PCDHA7: variants seen among roughly 807,000 people sequenced by gnomAD.
PCDHA7 encodes the protein protocadherin alpha-7.
PCDHA7 carries 37 observed loss-of-function variants against 57.2 expected under a neutral mutation model. The observed-to-expected ratio is 0.65, with a 90% CI of 0.50 to 0.85. The LOEUF (loss-of-function observed/expected upper bound fraction) is 0.85. Among genes scored for constraint, PCDHA7 ranks in the 40% least tolerant of loss-of-function variants. The pLI, the probability that PCDHA7 is intolerant of heterozygous loss-of-function variation, is 0.00. For missense variants in PCDHA7, 1,188 were observed against 1,241.8 expected (o/e 0.96, Z 0.65); for synonymous variants, 553 against 558.8 (o/e 0.99, Z 0.15).
At chr5:140,982,191 T>G (rs1431582069) in intron 2 of PCDHA7, among the ~76,000 whole-genome samples, 1 of 152,266 alleles carries the variant, frequency 6.6e-6, no homozygotes, top group African/African-American at 2.4e-5. Context: ...ATGGGCTTCC[T>G]GTTAGATTTA....
intron 3 of PCDHA7, among the ~76,000 whole-genome samples, chr5:140,984,059 C>G (rs1269975627): frequency 6.6e-6 from 1 of 152,108 alleles, no homozygotes; most frequent in East Asian, 1.9e-4. Context: ...CAAATCTGTA[C>G]CCTCAGTGCC....
Position 140,850,693 on chromosome 5 carries a change from C to G in PCDHA7, c.2355+13955C>G, listed in dbSNP as rs138234390. On this transcript the variant is annotated intron_variant, in intron 1 of 3. Coordinates refer to ENST00000525929, the MANE Select transcript of PCDHA7 (RefSeq NM_018910.3). ...GCGATGCCCACCGAGGGCGAGTGCG[C>G]GCCTGGCAAGCCGACGCTGGTGTGT... 2.8e-3 allele frequency: 4,547 copies of G among 1,598,322 alleles called. 355 individuals carry two copies. In the South Asian group the frequency reaches 0.039, roughly 14 times the overall value.
At chr5:140,968,460 C>T (rs1554230749) in intron 1 of PCDHA7, 3 of 1,613,978 alleles carry the variant, frequency 1.9e-6, no homozygotes, top group Non-Finnish European at 2.5e-6. Context: ...ACTGTGACTG[C>T]CAACGTATAT....
Position 140,834,387 on chromosome 5 carries a change from G to A in PCDHA7, c.4G>A (p.Val2Met), listed in dbSNP as rs141534918. The A allele has an allele frequency of 6.3e-5, 99 of 1,583,890 alleles. No homozygotes were observed. Among genetic ancestry groups the A allele is most frequent in the Non-Finnish European group, 8.4e-5 (98 of 1,164,446 alleles). ...AAAAACAAGCCAATAATTTGAAATG[G>A]TGTGCCCGAATGGATACGACCCAGG... M[V>M]CPNGYDPGGR... The change falls in exon 1 of 4, where the codon GTG becomes ATG. Residue 2 changes from valine (V) to methionine (M), a missense_variant. By Grantham distance (21) the Val-to-Met change is conservative. Coordinates refer to ENST00000525929, the MANE Select transcript of PCDHA7 (RefSeq NM_018910.3).
intron 3 of PCDHA7, among the ~76,000 whole-genome samples, chr5:140,984,053 TC>T (rs2097083610): frequency 6.6e-6 from 1 of 152,154 alleles, no homozygotes; most frequent in Non-Finnish European, 1.5e-5. Flanking sequence ...CATTGACAAA[TC>T]TGTACCCTCA....
At chr5:140,894,044 T>C (rs2064295340) in intron 1 of PCDHA7, among the ~76,000 whole-genome samples, 1 of 152,190 alleles carries the variant, frequency 6.6e-6, no homozygotes, top group Admixed American at 6.5e-5. Context: ...ATGTAAGTCC[T>C]CTGTTGAATT....
At chr5:140,852,265 T>C in intron 1 of PCDHA7, 1 of 505,256 alleles carries the variant, frequency 2.0e-6, no homozygotes, top group Non-Finnish European at 2.6e-6. Flanking sequence ...TATGCTACAA[T>C]ATTACATGTT....
chr5:140,850,095 C>T lies in PCDHA7; in HGVS notation c.2355+13357C>T, dbSNP rs139719626. 631 of 1,596,304 alleles carry T rather than the reference C, an allele frequency of 4.0e-4. 37 individuals are homozygous for T. In the African/African-American group the frequency reaches 7.2e-3, roughly 18 times the overall value. On this transcript the variant is annotated intron_variant, in intron 1 of 3. Transcript: ENST00000525929. ...CGAGGAGCTGGAGCTGCTACAGTTC[C>T]AGGTGAGCGCGCGCGACGCGGGCGT...
At chr5:140,969,170 G>A in intron 1 of PCDHA7, 1 of 1,614,114 alleles carries the variant, frequency 6.2e-7, no homozygotes. Flanking sequence ...AGCAGGCTCA[G>A]GGAGTGACAC....
At chr5:140,878,174 T>C (rs1554170323) in intron 1 of PCDHA7, 2 of 167,818 alleles carry the variant, frequency 1.2e-5, no homozygotes, top group African/African-American at 2.4e-5. Flanking sequence ...TGTTCATAAT[T>C]TCAAGATTAC....
intron 1 of PCDHA7, among the ~76,000 whole-genome samples, chr5:140,966,033 G>C (rs772770928): frequency 6.6e-6 from 1 of 152,138 alleles, no homozygotes; most frequent in African/African-American, 2.4e-5. Context: ...CAGGTGAATA[G>C]TTCCCATCGC....
chr5:140,947,249 C>T (rs1178030042), intron 1 of PCDHA7, among the ~76,000 whole-genome samples: 3 of 151,204 alleles, frequency 2.0e-5, no homozygotes, highest in African/African-American at 7.3e-5. Flanking sequence ...TAAGATAATC[C>T]AATGTACCAT....
chr5:140,864,430 A>G (rs2048477187), intron 1 of PCDHA7: 1 of 152,190 alleles, frequency 6.6e-6, no homozygotes, highest in South Asian at 2.1e-4. Flanking sequence ...GTCCACAAAC[A>G]ATTTTGTTTC....
intron 3 of PCDHA7, among the ~76,000 whole-genome samples, chr5:140,997,018 A>G (rs1403831704): frequency 6.6e-6 from 1 of 151,882 alleles, no homozygotes; most frequent in African/African-American, 2.4e-5. Flanking sequence ...ATCCTCCAAT[A>G]TTTTTTTGAA....
intron 1 of PCDHA7, among the ~76,000 whole-genome samples, chr5:140,879,016 G>A (rs2057813975): frequency 6.6e-6 from 1 of 152,188 alleles, no homozygotes; most frequent in African/African-American, 2.4e-5. Context: ...ATCAGATAAT[G>A]TTTTATTGAA....
At chr5:140,883,910 A>G in intron 1 of PCDHA7, 4 of 1,613,424 alleles carry the variant, frequency 2.5e-6, no homozygotes, top group Non-Finnish European at 3.4e-6. Context: ...TCTGGGCAGC[A>G]ACGTGACGCT....
Position 140,978,960 on chromosome 5 carries a change from C to G in PCDHA7, c.2367C>G (p.Pro789=), listed in dbSNP as rs560855761. The G allele has an allele frequency of 2.6e-5, 42 of 1,614,120 alleles. No homozygotes were observed. The highest frequency in any genetic ancestry group is 2.5e-4 in the African/African-American group (19 of 75,024). The change falls in exon 2 of 4, where the codon CCC becomes CCG. Residue 789 remains proline, a synonymous_variant. Coordinates refer to ENST00000525929, the MANE Select transcript of PCDHA7 (RefSeq NM_018910.3). ...TTGTGATTTTGCAGCCACGACAGCC[C>G]AACCCTGACTGGCGTTACTCTGCCT... ...GPSSTDNPRQ[P]NPDWRYSASL...
At chr5:140,848,787 C>T in intron 1 of PCDHA7, 2 of 1,592,990 alleles carry the variant, frequency 1.3e-6, no homozygotes, top group Non-Finnish European at 1.7e-6. Context: ...GCTGTGCGGG[C>T]GGAGCGCGGA....
chr5:140,849,946 C>T (rs2041246534), intron 1 of PCDHA7: 5 of 1,597,770 alleles, frequency 3.1e-6, no homozygotes, highest in East Asian at 2.2e-5. Flanking sequence ...GACGCTGACG[C>T]GCAGGAGAAC....
Sources: gnomAD v4.1 joint callset for allele counts (sites outside exome capture counted in the v4.1 genomes callset) on GRCh38, gnomAD v4.1.1 for gene constraint, MANE v1.5 for transcripts, NCBI Gene and HGNC (gene_info 2026-07-23, HGNC 2026-07-21) for gene names.